The following FGF12 variants were observed in gnomAD, a reference collection of about 807,000 sequenced individuals.
FGF12 encodes fibroblast growth factor 12B.
FGF12 carries 14 observed loss-of-function variants against 23.6 expected under a neutral mutation model. That is an observed-to-expected ratio of 0.59 (90% confidence interval 0.39 to 0.93). The LOEUF (loss-of-function observed/expected upper bound fraction) is 0.93, where lower values mean the gene tolerates loss of function less well. Ranked by LOEUF, FGF12 falls within the 40% of genes least tolerant of loss-of-function variation. The probability of loss-of-function intolerance (pLI) is 0.00; values close to 1 mark genes in which losing one functional copy is unlikely to be tolerated. For missense variants in FGF12, 175 were observed against 217.8 expected, an observed-to-expected ratio of 0.80 and a Z score of 1.24; for synonymous variants, 62 against 77.3, an observed-to-expected ratio of 0.80 and a Z score of 1.04.
chr3:192,677,351 C>T (rs2108702881), intron 2 of FGF12, among the ~76,000 whole-genome samples: 1 of 152,280 alleles, frequency 6.6e-6, no homozygotes, highest in East Asian at 1.9e-4. Context: ...CTCACCTATA[C>T]AGATGAGTAG....
intron 2 of FGF12, among the ~76,000 whole-genome samples, chr3:192,538,795 T>C (rs1296702104): frequency 6.6e-6 from 1 of 152,228 alleles, no homozygotes; most frequent in African/African-American, 2.4e-5. Flanking sequence ...TTCATTTCTT[T>C]GTTGTGCTCT....
At chr3:192,614,248 A>G (rs1714664714) in intron 2 of FGF12, among the ~76,000 whole-genome samples, 1 of 151,624 alleles carries the variant, frequency 6.6e-6, no homozygotes, top group South Asian at 2.1e-4. Context: ...GTTAAAGCTA[A>G]TTTTTTTCTT....
chr3:192,617,307 T>C (rs547999163), intron 2 of FGF12, among the ~76,000 whole-genome samples: 36 of 150,258 alleles, frequency 2.4e-4, no homozygotes, highest in Middle Eastern at 3.4e-3. Flanking sequence ...ATTTCCAGGA[T>C]CCCTCAGAAG....
chr3:192,492,819 C>T (rs924334839), intron 2 of FGF12, among the ~76,000 whole-genome samples: 6 of 152,016 alleles, frequency 3.9e-5, no homozygotes, highest in African/African-American at 1.4e-4. Flanking sequence ...AGAAAAGCCT[C>T]CTTAATGGTG....
intron 2 of FGF12, among the ~76,000 whole-genome samples, chr3:192,581,982 G>C (rs1713175893): frequency 6.6e-6 from 1 of 152,062 alleles, no homozygotes; most frequent in Admixed American, 6.6e-5. Context: ...CAATATTTCT[G>C]CAACACTTGT....
At chr3:192,201,570 T>G (rs1577230084) in intron 4 of FGF12, among the ~76,000 whole-genome samples, 1 of 152,286 alleles carries the variant, frequency 6.6e-6, no homozygotes, top group East Asian at 1.9e-4. Context: ...CCACACATCT[T>G]GTAACCCGCA....
At chr3:192,269,934 A>G (rs1408906709) in intron 4 of FGF12, among the ~76,000 whole-genome samples, 1 of 152,162 alleles carries the variant, frequency 6.6e-6, no homozygotes, top group African/African-American at 2.4e-5. Flanking sequence ...GCCCTGTGTT[A>G]TAAAGAGAAA....
chr3:192,265,980 AG>A (rs1422912177), intron 4 of FGF12, among the ~76,000 whole-genome samples: 1 of 152,192 alleles, frequency 6.6e-6, no homozygotes, highest in Non-Finnish European at 1.5e-5. Context: ...ACTGGCTCAT[AG>A]GAAAGAATTC....
intron 3 of FGF12, among the ~76,000 whole-genome samples, chr3:192,349,395 C>G (rs1285709681): frequency 1.3e-5 from 2 of 151,980 alleles, no homozygotes; most frequent in Non-Finnish European, 2.9e-5. Context: ...TACCCTTTTC[C>G]ACTACTTCAA....
At chr3:192,633,785 G>A (rs1171010688) in intron 2 of FGF12, among the ~76,000 whole-genome samples, 1 of 152,124 alleles carries the variant, frequency 6.6e-6, no homozygotes, top group Non-Finnish European at 1.5e-5. Flanking sequence ...AAAGTTTAGG[G>A]TTTTTGTTGC....
intron 2 of FGF12, chr3:192,521,215 TG>T (rs1724803975): frequency 6.6e-6 from 1 of 152,236 alleles, no homozygotes; most frequent in African/African-American, 2.4e-5. Context: ...TGTTTTAATT[TG>T]CATATCTCTA....
chr3:192,570,967 C>G (rs1432221474), intron 2 of FGF12, among the ~76,000 whole-genome samples: 2 of 152,184 alleles, frequency 1.3e-5, no homozygotes, highest in African/African-American at 4.8e-5. Flanking sequence ...GGAGGGGAAA[C>G]AGACGGGGAG....
At chr3:192,272,451 C>A (rs1348057211) in intron 4 of FGF12, among the ~76,000 whole-genome samples, 1 of 152,006 alleles carries the variant, frequency 6.6e-6, no homozygotes, top group African/African-American at 2.4e-5. Flanking sequence ...AAAACGTAAC[C>A]AGTGAAATAT....
intron 2 of FGF12, among the ~76,000 whole-genome samples, chr3:192,433,723 CAA>C (rs1721931893): frequency 6.6e-6 from 1 of 152,170 alleles, no homozygotes; most frequent in Non-Finnish European, 1.5e-5. Flanking sequence ...GATTTTAAAA[CAA>C]ACTCAGTTTC....
At chr3:192,361,542 G>T (rs1156562602) in intron 2 of FGF12, among the ~76,000 whole-genome samples, 1 of 152,156 alleles carries the variant, frequency 6.6e-6, no homozygotes, top group Non-Finnish European at 1.5e-5. Flanking sequence ...TAACAACATG[G>T]TATCCTCAGA....
Position 192,318,122 on chromosome 3 carries a change from G to A in FGF12, c.228+17239C>T, listed in dbSNP as rs115832975. 8.2e-3 allele frequency among the ~76,000 whole-genome samples: 1,249 copies of A among 152,172 alleles called. 16 individuals carry two copies. Among genetic ancestry groups the A allele is most frequent in the African/African-American group, 0.028 (1,146 of 41,514 alleles). ...CTTTTGAATGCTTGCAAAGTCCTCCGAAGGAGGACAGGTAAAACAAGCTCA... is the reference window on the plus strand; with the variant it reads ...CTTTTGAATGCTTGCAAAGTCCTCCAAAGGAGGACAGGTAAAACAAGCTCA... On this transcript the variant is annotated intron_variant, in intron 4 of 5. Coordinates refer to ENST00000445105, the MANE Select transcript of FGF12 (RefSeq NM_004113.6).
Position 192,682,296 on chromosome 3 carries a change from T to C in FGF12, c.13+44885A>G, listed in dbSNP as rs1314221065. ...CAGCTGGTGCACACACAGTCATGCA[T>C]GTTTTTTCCAATCCCCATTGTTTCC... On this transcript the variant is annotated intron_variant, in intron 2 of 5. Transcript: ENST00000445105. Among the ~76,000 whole-genome samples, 5 of 152,310 alleles carry C rather than the reference T, an allele frequency of 3.3e-5. 1 individual carries two copies. The highest frequency in any genetic ancestry group is 3.4e-3 in the Middle Eastern group (1 of 294).
intron 2 of FGF12, among the ~76,000 whole-genome samples, chr3:192,381,035 C>T (rs1719792249): frequency 6.6e-6 from 1 of 151,324 alleles, no homozygotes; most frequent in Non-Finnish European, 1.5e-5. Context: ...CAATATCATA[C>T]ATTCATTTTC....
chr3:192,366,829 T>A (rs951095739), intron 2 of FGF12, among the ~76,000 whole-genome samples: 1 of 152,172 alleles, frequency 6.6e-6, no homozygotes, highest in Admixed American at 6.5e-5. Context: ...GTCTCCACGT[T>A]CTTGAAAATC....
Sources: allele counts gnomAD v4.1 joint callset (sites outside exome capture counted in the v4.1 genomes callset), GRCh38; gene constraint gnomAD v4.1.1; transcripts MANE v1.5; gene names NCBI Gene and HGNC (gene_info 2026-07-23, HGNC 2026-07-21).